PPP2R2D: variants seen among roughly 807,000 people sequenced by gnomAD.
The protein encoded by PPP2R2D is protein phosphatase 2 regulatory subunit Bdelta.
A neutral mutation model predicts 31.1 loss-of-function variants in PPP2R2D; 9 were observed. The ratio of observed to expected loss-of-function variants is 0.29; its 90% CI spans 0.17 to 0.51. PPP2R2D has a LOEUF of 0.51. Among genes scored for constraint, PPP2R2D ranks in the 20% least tolerant of loss-of-function variants. PPP2R2D has a pLI of 0.98. For synonymous variants in PPP2R2D, 179 were observed against 172.6 expected (o/e 1.04, Z -0.29); for missense variants, 391 against 465.6 (o/e 0.84, Z 1.48).
chr10:131,914,810 C>T (rs1376999113), intron 2 of PPP2R2D, among the ~76,000 whole-genome samples: 8 of 152,094 alleles, frequency 5.3e-5, no homozygotes, highest in African/African-American at 1.7e-4. Context: ...AGGGTGGTCA[C>T]GCCTCACTGA....
At chr10:131,904,585 A>G (rs1215380285) in intron 2 of PPP2R2D, among the ~76,000 whole-genome samples, 1 of 151,840 alleles carries the variant, frequency 6.6e-6, no homozygotes, top group African/African-American at 2.4e-5. Flanking sequence ...AACTTAAGGT[A>G]TAGCAGATTT....
At chr10:131,912,674 G>A (rs2035703843) in intron 2 of PPP2R2D, 1 of 152,192 alleles carries the variant, frequency 6.6e-6, no homozygotes, top group Admixed American at 6.5e-5. Context: ...CTTGGTGAAG[G>A]TCTCAGAGCT....
rs1197191613 is a variant in PPP2R2D at position 131,947,934 on chromosome 10, T to C, written c.1082+143T>C. ...TTTTCCAGACCTTTTGATTGATGGA[T>C]GATAGTATCAAGGTAGAGAAAATAG... is the stretch of plus-strand genomic sequence containing the variant. On this transcript the variant is annotated intron_variant, in intron 8 of 8. Transcript: ENST00000455566. The surrounding 1 kb of genome is among the most constrained non-coding windows in gnomAD (Gnocchi z 4.3). The C allele has an allele frequency of 9.9e-7, 1 of 1,009,238 alleles. No homozygotes were observed. The highest frequency in any genetic ancestry group is 1.4e-6 in the Non-Finnish European group (1 of 691,010). 62.5% of individuals were successfully genotyped at this position (1,009,238 alleles called of 1,614,324 possible).
intron 1 of PPP2R2D, 33 bp downstream of exon 1, chr10:131,901,188 G>C (rs1433324882): frequency 3.1e-6 from 1 of 325,036 alleles, no homozygotes; most frequent in Non-Finnish European, 5.6e-6. Context: ...CGGGGACCAC[G>C]GGGGCGGGCG....
the PPP2R2D span, chr10:131,971,140 C>T: frequency 3.2e-5 from 20 of 631,734 alleles, no homozygotes; most frequent in Admixed American, 2.8e-4. Flanking sequence ...GGGCCTTCCC[C>T]GGGCCGCGCC....
chr10:131,968,605 G>C, the PPP2R2D span: 1 of 1,538,596 alleles, frequency 6.5e-7, no homozygotes, highest in Non-Finnish European at 9.0e-7. Flanking sequence ...AATGTATCTT[G>C]TGATTCACAG....
chr10:131,938,008 G>C (rs1210394702), intron 3 of PPP2R2D, among the ~76,000 whole-genome samples: 2 of 151,790 alleles, frequency 1.3e-5, no homozygotes, highest in Non-Finnish European at 2.9e-5. Context: ...CGGCGGACAG[G>C]GGCAGGCGAG....
chr10:131,948,144 G>A (rs908524774), intron 8 of PPP2R2D, among the ~76,000 whole-genome samples: 6 of 152,322 alleles, frequency 3.9e-5, no homozygotes, highest in African/African-American at 9.6e-5. Flanking sequence ...TGGAATGACC[G>A]CGTTGCAGTC....
intron 3 of PPP2R2D, among the ~76,000 whole-genome samples, chr10:131,936,868 G>A (rs782305624): frequency 2.0e-5 from 3 of 152,130 alleles, no homozygotes; most frequent in Non-Finnish European, 4.4e-5. Context: ...AGGCTTTCAC[G>A]GTCCATCCAT....
chr10:131,956,903 G>A lies in PPP2R2D; in HGVS notation c.*940G>A, dbSNP rs2036809249. ...AAGGCTTTTGAAAAAGCACTTTGGG[G>A]AAAGTATACTTTTTAAACATTGCTA... On this transcript the variant is annotated 3_prime_UTR_variant, in exon 9 of 9. Coordinates refer to ENST00000455566, the MANE Select transcript of PPP2R2D (RefSeq NM_018461.5). The A allele has an allele frequency of 6.6e-6, 1 of 152,226 alleles. No homozygotes were observed. The highest frequency in any genetic ancestry group is 1.5e-5 in the Non-Finnish European group (1 of 68,044). The allele number at this position is 152,226 out of a possible 1,614,324, so 9.4% of individuals were successfully genotyped here. A position where few individuals can be genotyped will look rare whatever the true frequency, so the allele number is the denominator to read the frequency against.
chr10:131,970,821 CCT>C, the PPP2R2D span: 1 of 1,614,226 alleles, frequency 6.2e-7, no homozygotes, highest in Non-Finnish European at 8.5e-7. This position sits in a 1 kb window ranked among gnomAD's most constrained non-coding sequence, Gnocchi z 4.1. Flanking sequence ...GCTGATGTGT[CCT>C]CTGTCAAGGG....
intron 3 of PPP2R2D, among the ~76,000 whole-genome samples, chr10:131,935,292 T>C (rs1458633695): frequency 2.6e-5 from 4 of 152,266 alleles, no homozygotes; most frequent in African/African-American, 9.6e-5. Context: ...GCCTGGGGTC[T>C]GAAATATTTG....
chr10:131,948,412 A>G (rs1554898361), intron 8 of PPP2R2D, among the ~76,000 whole-genome samples: 1 of 152,138 alleles, frequency 6.6e-6, no homozygotes, highest in African/African-American at 2.4e-5. Context: ...TTTATATAGA[A>G]TTTTTGTTCA....
At chr10:131,906,738 T>C (rs1371375160) in intron 2 of PPP2R2D, among the ~76,000 whole-genome samples, 2 of 141,084 alleles carry the variant, frequency 1.4e-5, no homozygotes, top group Admixed American at 7.3e-5. Context: ...CTGGGCAACA[T>C]AGTGAGATCT....
At chr10:131,913,790 G>T (rs1482084369) in intron 2 of PPP2R2D, among the ~76,000 whole-genome samples, 1 of 152,168 alleles carries the variant, frequency 6.6e-6, no homozygotes, top group Non-Finnish European at 1.5e-5. Flanking sequence ...GAGCTCAGAG[G>T]CAGGGGCAAC....
intron 3 of PPP2R2D, among the ~76,000 whole-genome samples, chr10:131,938,771 T>C (rs1554896799): frequency 6.6e-6 from 1 of 152,254 alleles, no homozygotes; most frequent in Non-Finnish European, 1.5e-5. Flanking sequence ...GGTCCCTGCA[T>C]GGCCCTGTGG....
At chr10:131,909,690 A>G (rs1344763054) in intron 2 of PPP2R2D, among the ~76,000 whole-genome samples, 2 of 152,340 alleles carry the variant, frequency 1.3e-5, no homozygotes, top group East Asian at 3.9e-4. Context: ...ACCCTGACCT[A>G]GAGTTGGTTT....
intron 2 of PPP2R2D, among the ~76,000 whole-genome samples, chr10:131,906,067 G>A (rs1296616162): frequency 1.3e-5 from 2 of 152,238 alleles, no homozygotes; most frequent in African/African-American, 2.4e-5. Flanking sequence ...CACAGAGACA[G>A]TAAGTAAGTG....
chr10:131,934,816 G>A, intron 3 of PPP2R2D: 1 of 534,630 alleles, frequency 1.9e-6, no homozygotes, highest in Non-Finnish European at 3.6e-6. Context: ...CAGGGTGGTG[G>A]TGAGGTGCAT....
Sources: gnomAD v4.1 joint callset for allele counts (sites outside exome capture counted in the v4.1 genomes callset) on GRCh38, gnomAD v4.1.1 for gene constraint, Gnocchi (gnomAD v3.1) non-coding constraint, MANE v1.5 for transcripts, NCBI Gene and HGNC (gene_info 2026-07-23, HGNC 2026-07-21) for gene names.